DGKD: variants seen among roughly 807,000 people sequenced by gnomAD.
DGKD encodes the protein diacylglycerol kinase delta.
In DGKD, 68 loss-of-function variants were observed where a neutral mutation model predicts 154.4. The ratio of observed to expected loss-of-function variants is 0.44; its 90% CI spans 0.36 to 0.54. DGKD has a LOEUF of 0.54. Among genes scored for constraint, DGKD ranks in the 20% least tolerant of loss-of-function variants. The pLI is 0.00. For synonymous variants in DGKD, 693 were observed against 638.0 expected (o/e 1.09, Z -1.30); for missense variants, 1,343 against 1,593.6 (o/e 0.84, Z 2.68).
At chr2:233,454,712 T>TA (rs763758411) in intron 18 of DGKD, 51 bp from the exon 19 acceptor site, 11 of 1,148,532 alleles carry the variant, frequency 9.6e-6, no homozygotes, top group African/African-American at 1.5e-5. Context: ...GAGTCTGAAA[T>TA]AAGACTGCTC....
chr2:233,385,932 G>A (rs1461910478), intron 1 of DGKD: 2 of 470,898 alleles, frequency 4.2e-6, no homozygotes, highest in East Asian at 1.4e-4. Flanking sequence ...TAAAGCAGCA[G>A]CTCTCCTTGG....
In DGKD at chr2:233,424,254, TGA is replaced by T. The variant is rs373798360; in HGVS notation, c.349-10123_349-10122del. On this transcript the variant is annotated intron_variant, in intron 3 of 29. Coordinates refer to ENST00000264057, the MANE Select transcript of DGKD (RefSeq NM_152879.3). ...TGTCATTTAAAGTGTCATTTATGAATGAGATCCACGTCCAGATCCCTGCATGT... is the reference window on the plus strand; with the variant it reads ...TGTCATTTAAAGTGTCATTTATGAATGATCCACGTCCAGATCCCTGCATGT... Among the ~76,000 whole-genome samples, 4 of 152,300 alleles carry T rather than the reference TGA, an allele frequency of 2.6e-5. No homozygotes were observed. In the East Asian group the frequency reaches 7.7e-4, roughly 29 times the overall value.
chr2:233,355,162 C>T (rs921689917), intron 1 of DGKD, among the ~76,000 whole-genome samples: 18 of 152,030 alleles, frequency 1.2e-4, no homozygotes, highest in Admixed American at 5.2e-4. Flanking sequence ...CTCAGAAGTC[C>T]GCTCGGACCC....
chr2:233,400,413 C>T (rs928074312), intron 3 of DGKD, among the ~76,000 whole-genome samples: 2 of 152,180 alleles, frequency 1.3e-5, no homozygotes, highest in African/African-American at 4.8e-5. Flanking sequence ...CCACAGGGCC[C>T]TTTGCCCTTC....
At position 233,448,304 on chromosome 2, in the gene DGKD, G is replaced by A; in HGVS notation, c.1543G>A (p.Val515Met). ...KVLCETVKDF[V>M]ARVGKAYEKT... is the part of the protein sequence containing the mutation. ...GCTCTGTGAGACGGTGAAGGACTTC[G>A]TGGCACGGGTGGGGAAGGCCTATGA... Residue 515 changes from valine (V) to methionine (M), a missense_variant, in exon 14 of 30, where the codon GTG becomes ATG. Transcript: ENST00000264057. 9 of 1,614,152 alleles carry A rather than the reference G, an allele frequency of 5.6e-6. No individual in the cohort carries two copies. Among genetic ancestry groups the A allele is most frequent in the East Asian group, 2.2e-5 (1 of 44,876 alleles).
At chr2:233,443,543 C>T (rs1436707310) in intron 10 of DGKD, among the ~76,000 whole-genome samples, 1 of 152,118 alleles carries the variant, frequency 6.6e-6, no homozygotes, top group Admixed American at 6.5e-5. Flanking sequence ...AGATTTGCAT[C>T]TGTATTTTCT....
At chr2:233,413,559 C>T (rs369846893) in intron 3 of DGKD, among the ~76,000 whole-genome samples, 1 of 152,146 alleles carries the variant, frequency 6.6e-6, no homozygotes, top group African/African-American at 2.4e-5. Context: ...TTCATCCCAG[C>T]GCCCCCGAAC....
Position 233,372,287 on chromosome 2 carries a change from G to T in DGKD, c.157-15970G>T, listed in dbSNP as rs181214083. Among the ~76,000 whole-genome samples, 60 of 152,276 alleles carry T rather than the reference G, an allele frequency of 3.9e-4. 1 individual carries two copies. The East Asian group carries it at 0.011, about 27-fold the overall frequency. ...CCGCCCGCCTCAGTCTCCCAAAGTG[G>T]CTAGGATTACAGGCGTGAGCTACTG... On this transcript the variant is annotated intron_variant, in intron 1 of 29. Coordinates refer to ENST00000264057, the MANE Select transcript of DGKD (RefSeq NM_152879.3).
intron 3 of DGKD, among the ~76,000 whole-genome samples, chr2:233,432,801 T>C (rs2062574065): frequency 6.6e-6 from 1 of 152,182 alleles, no homozygotes; most frequent in Non-Finnish European, 1.5e-5. Flanking sequence ...TAGACATTTC[T>C]CAAAAGAAGA....
In DGKD at chr2:233,449,155, A is replaced by G; in HGVS notation, c.1667A>G (p.Glu556Gly). 6.2e-7 allele frequency: 1 copy of G among 1,610,266 alleles called. No individual in the cohort carries two copies. Among genetic ancestry groups the G allele is most frequent in the Non-Finnish European group, 8.5e-7 (1 of 1,177,090 alleles). Residue 556 changes from glutamate to glycine, a missense_variant, in exon 15 of 30, where the codon GAG (glutamate) becomes GGG (glycine). Around this residue, in one of 6 missense-constraint regions of DGKD, gnomAD observed 409 missense variants for 446.0 expected, o/e 0.92. Transcript: ENST00000264057. This position sits in a 1 kb window ranked among gnomAD's most constrained non-coding sequence, Gnocchi z 5.3. ...LDSLLKTLDD[E>G]SQASSSLPNP... ...TCCCTTCTCAAGACCTTGGACGATG[A>G]GTCCCAGGCCTCGTCCTCTCTGCCC...
intron 3 of DGKD, among the ~76,000 whole-genome samples, chr2:233,400,599 G>T (rs1200166452): frequency 2.6e-5 from 4 of 152,242 alleles, no homozygotes; most frequent in African/African-American, 9.6e-5. Flanking sequence ...GTGGGATATA[G>T]TTTGAGTCCA....
intron 1 of DGKD, among the ~76,000 whole-genome samples, chr2:233,379,234 T>C (rs180925243): frequency 6.6e-6 from 1 of 151,950 alleles, no homozygotes; most frequent in Non-Finnish European, 1.5e-5. Context: ...CCGAAGGTGG[T>C]GGTATTTGAC....
intron 1 of DGKD, among the ~76,000 whole-genome samples, chr2:233,382,822 G>T (rs971330849): frequency 6.6e-6 from 1 of 152,106 alleles, no homozygotes; most frequent in East Asian, 1.9e-4. Flanking sequence ...CACATAAGTT[G>T]TGAAGCACAG....
intron 1 of DGKD, among the ~76,000 whole-genome samples, chr2:233,386,646 G>A (rs1320352699): frequency 1.3e-5 from 2 of 152,066 alleles, no homozygotes; most frequent in African/African-American, 4.8e-5. Flanking sequence ...TTTCCTTCCT[G>A]GCACTCTTTA....
chr2:233,391,579 C>T (rs1013183075), intron 3 of DGKD, among the ~76,000 whole-genome samples: 1 of 152,216 alleles, frequency 6.6e-6, no homozygotes, highest in Non-Finnish European at 1.5e-5. Flanking sequence ...AATAACAGCA[C>T]TAGAACTTTT....
rs376380099 is a variant in DGKD, at chr2:233,450,125, C to T, written c.2032C>T (p.Arg678Cys). Residue 678 changes from arginine (R) to cysteine (C), a missense_variant, in exon 16 of 30, where the codon CGC becomes TGC. Arg to Cys is a radical substitution (Grantham distance 180). Around this residue, in one of 6 missense-constraint regions of DGKD, gnomAD observed 409 missense variants for 446.0 expected, o/e 0.92. Coordinates refer to ENST00000264057, the MANE Select transcript of DGKD (RefSeq NM_152879.3). ...CGGGGTCCCCAAGGGGAGGAGCCAG[C>T]GCAAAGGTACTTGTGCCTCCACCTC... ...SFGVPKGRSQRKVSKSPCEKL... is the reference protein window; with the variant it reads ...SFGVPKGRSQCKVSKSPCEKL... 3.3e-5 allele frequency: 53 copies of T among 1,609,042 alleles called. 1 individual carries two copies. Among genetic ancestry groups the T allele is most frequent in the African/African-American group, 2.3e-4 (17 of 74,738 alleles).
intron 9 of DGKD, among the ~76,000 whole-genome samples, chr2:233,439,058 T>C (rs1028900571): frequency 1.3e-5 from 2 of 152,258 alleles, no homozygotes; most frequent in African/African-American, 4.8e-5. Flanking sequence ...GTGTGTTCTT[T>C]GTAGTTTTTT....
chr2:233,469,368 C>T lies in DGKD; in HGVS notation c.3556-3C>T, dbSNP rs1277473430. On this transcript the variant is annotated splice_polypyrimidine_tract_variant and splice_region_variant and intron_variant, in intron 29 of 29. Transcript: ENST00000264057. Reference sequence around the variant, plus strand: ...ATCCATGGCGGTGTCTTCTCTGTTGCAGGACCTGGGCGTGACCAAGGTGGG... The same window carrying T: ...ATCCATGGCGGTGTCTTCTCTGTTGTAGGACCTGGGCGTGACCAAGGTGGG... 6.2e-7 allele frequency: 1 copy of T among 1,610,264 alleles called. No homozygotes were observed. The highest frequency in any genetic ancestry group is 8.5e-7 in the Non-Finnish European group (1 of 1,178,432).
intron 19 of DGKD, 121 bp from the exon 20 acceptor site, chr2:233,456,778 A>G (rs2063475074): frequency 1.4e-6 from 1 of 735,706 alleles, no homozygotes; most frequent in Non-Finnish European, 2.3e-6. Context: ...ACTGCTGTAA[A>G]TAATTGCTAA....
Sources: allele counts gnomAD v4.1 joint callset (sites outside exome capture counted in the v4.1 genomes callset), GRCh38; gene constraint gnomAD v4.1.1; regional missense constraint gnomAD v4.1.1; non-coding constraint Gnocchi (gnomAD v3.1); transcripts MANE v1.5; gene names NCBI Gene and HGNC (gene_info 2026-07-23, HGNC 2026-07-21).